MVB12B: variants seen among roughly 807,000 people sequenced by gnomAD.
The protein encoded by MVB12B is multivesicular body subunit 12B.
MVB12B carries 16 observed loss-of-function variants against 41.6 expected under a neutral mutation model. That is an observed-to-expected ratio of 0.38 (90% CI 0.26 to 0.58). The LOEUF is 0.58. Among genes scored for constraint, MVB12B ranks in the 20% least tolerant of loss-of-function variants. The pLI, the probability that MVB12B is intolerant of heterozygous loss-of-function variation, is 0.62. For synonymous variants in MVB12B, 133 were observed against 139.7 expected (o/e 0.95, Z 0.34); for missense variants, 274 against 380.2 (o/e 0.72, Z 2.32).
chr9:126,471,883 C>T (rs1428183743), intron 7 of MVB12B, among the ~76,000 whole-genome samples: 1 of 152,138 alleles, frequency 6.6e-6, no homozygotes, highest in Admixed American at 6.5e-5. Context: ...AGCATCTCTG[C>T]AAGTACTTTG....
intron 7 of MVB12B, among the ~76,000 whole-genome samples, chr9:126,472,886 G>A (rs990794072): frequency 5.9e-5 from 9 of 152,076 alleles, no homozygotes; most frequent in African/African-American, 1.9e-4. Flanking sequence ...CAGAGCCAGC[G>A]GCACATCCTT....
rs1047473425 is a variant in MVB12B, at chr9:126,505,265, G to C, written c.*2002G>C. The C allele has an allele frequency of 7.2e-5, 11 of 152,232 alleles. No individual in the cohort carries two copies. Among genetic ancestry groups the C allele is most frequent in the African/African-American group, 2.4e-4 (10 of 41,460 alleles). The allele number at this position is 152,232 out of a possible 1,614,324, so 9.4% of individuals were successfully genotyped here. A position where few individuals can be genotyped will look rare whatever the true frequency, so the allele number is the denominator to read the frequency against. On this transcript the variant is annotated 3_prime_UTR_variant, in exon 10 of 10. Transcript: ENST00000361171. ...AGGAGGCTCAGAGGCAGTGGTGTGG[G>C]AGCCCTGTCTGCAAGGACGCAGAAT...
chr9:126,479,703 GC>G (rs1833486028), intron 7 of MVB12B, among the ~76,000 whole-genome samples: 1 of 152,196 alleles, frequency 6.6e-6, no homozygotes, highest in Non-Finnish European at 1.5e-5. Context: ...AAGTCCAGCA[GC>G]CACACTGGGC....
intron 3 of MVB12B, among the ~76,000 whole-genome samples, chr9:126,382,979 T>G (rs1488845842): frequency 3.3e-5 from 5 of 152,248 alleles, no homozygotes; most frequent in Admixed American, 1.3e-4. Flanking sequence ...GTGAAAAGCC[T>G]CTGCCTCACT....
chr9:126,448,572 A>T (rs541617292), intron 7 of MVB12B, among the ~76,000 whole-genome samples: 2 of 152,322 alleles, frequency 1.3e-5, no homozygotes, highest in African/African-American at 2.4e-5. Context: ...GGTTCTGCAG[A>T]CTATATAGGA....
At position 126,483,255 on chromosome 9, in the gene MVB12B, G is replaced by T. The variant is rs920284941; in HGVS notation, c.814-718G>T. Among the ~76,000 whole-genome samples, 3 of 152,294 alleles carry T rather than the reference G, an allele frequency of 2.0e-5. No homozygotes were observed. In the East Asian group the frequency reaches 5.8e-4, roughly 29 times the overall value. On this transcript the variant is annotated intron_variant, in intron 8 of 9. Transcript: ENST00000361171. ...CTGCCCTCCGAGCCTCTGAGTCCAG[G>T]CTTCTATGGGCCTCTAGCTCACTCA...
At chr9:126,381,357 C>G (rs940173868) in intron 3 of MVB12B, among the ~76,000 whole-genome samples, 186 bp downstream of exon 3, 7 of 152,138 alleles carry the variant, frequency 4.6e-5, no homozygotes, top group African/African-American at 1.7e-4. Flanking sequence ...TGTTATTAAC[C>G]ACGTACCCAA....
intron 7 of MVB12B, among the ~76,000 whole-genome samples, chr9:126,454,790 T>TG (rs1832948205): frequency 8.7e-6 from 1 of 114,394 alleles, no homozygotes; most frequent in African/African-American, 2.6e-5. Context: ...ATAATTGAGT[T>TG]TTTTTTTTTT....
chr9:126,496,207 A>ACCCATCCATCCG (rs1833828892), intron 9 of MVB12B, among the ~76,000 whole-genome samples: 1 of 21,064 alleles, frequency 4.7e-5, no homozygotes, highest in Non-Finnish European at 1.0e-4. Flanking sequence ...CCACCTACCC[A>ACCCATCCATCCG]CCCGTCCATC....
chr9:126,442,824 C>A (rs949013065), intron 7 of MVB12B, among the ~76,000 whole-genome samples: 1 of 152,166 alleles, frequency 6.6e-6, no homozygotes, highest in African/African-American at 2.4e-5. Context: ...TCCTCTTCCC[C>A]CAATGTGCCT....
intron 7 of MVB12B, among the ~76,000 whole-genome samples, chr9:126,469,062 G>C (rs1833259275): frequency 6.6e-6 from 1 of 152,216 alleles, no homozygotes; most frequent in African/African-American, 2.4e-5. Context: ...TGTAATCCCA[G>C]CTACTTGGGA....
intron 1 of MVB12B, among the ~76,000 whole-genome samples, chr9:126,338,136 A>C (rs958617647): frequency 3.9e-5 from 6 of 152,158 alleles, no homozygotes; most frequent in Admixed American, 1.3e-4. Flanking sequence ...GCCCGGAGCC[A>C]TTTGTCCATA....
chr9:126,347,279 A>G (rs2118846559), intron 2 of MVB12B, among the ~76,000 whole-genome samples: 1 of 152,354 alleles, frequency 6.6e-6, no homozygotes, highest in South Asian at 2.1e-4. Context: ...CTGGGAAGCC[A>G]GCCTTGGGCT....
At position 126,340,537 on chromosome 9, in the gene MVB12B, CCT is replaced by C; in HGVS notation, c.115_116del (p.Ser39ArgfsTer28). The C allele has an allele frequency of 6.2e-7, 1 of 1,614,138 alleles. No individual in the cohort carries two copies. The highest frequency in any genetic ancestry group is 8.5e-7 in the Non-Finnish European group (1 of 1,179,980). ...AGTCCACCATGCCTGAAGTCAAAGACCTCTCAGAAGCCTTGCCAGAAACGTCA... is the reference window on the plus strand; with the variant it reads ...AGTCCACCATGCCTGAAGTCAAAGACCTCAGAAGCCTTGCCAGAAACGTCA... ...DQSTMPEVKD[L>X]SEALPETSMD... is the part of the protein sequence containing the mutation. On this transcript the variant is annotated frameshift_variant, in exon 2 of 10. Coordinates refer to ENST00000361171, the MANE Select transcript of MVB12B (RefSeq NM_033446.3). LOFTEE classifies it high-confidence loss of function. This position sits in a 1 kb window ranked among gnomAD's most constrained non-coding sequence, Gnocchi z 4.0.
Position 126,503,297 on chromosome 9 carries a change from C to A in MVB12B, c.*34C>A, listed in dbSNP as rs905591669. ...CGGCCACCTGCGGGGAGACCACCGC[C>A]GCCCAGACTACTGACGGCAGGGGCT... On this transcript the variant is annotated 3_prime_UTR_variant, in exon 10 of 10. Coordinates refer to ENST00000361171, the MANE Select transcript of MVB12B (RefSeq NM_033446.3). The A allele has an allele frequency of 5.3e-6, 8 of 1,515,774 alleles. No homozygotes were observed. The highest frequency in any genetic ancestry group is 7.2e-6 in the Non-Finnish European group (8 of 1,116,928). 93.9% of individuals were successfully genotyped at this position (1,515,774 alleles called of 1,614,324 possible).
At position 126,386,718 on chromosome 9, in the gene MVB12B, G is replaced by T. The variant is rs957218162; in HGVS notation, c.409+60G>T. 4 of 1,292,248 alleles carry T rather than the reference G, an allele frequency of 3.1e-6. No homozygotes were observed. Among genetic ancestry groups the T allele is most frequent in the Admixed American group, 3.5e-5 (2 of 57,266 alleles). 80.0% of individuals were successfully genotyped at this position (1,292,248 alleles called of 1,614,324 possible). On this transcript the variant is annotated intron_variant, in intron 4 of 9. Transcript: ENST00000361171. The surrounding 1 kb of genome is among the most constrained non-coding windows in gnomAD (Gnocchi z 4.3). Reference sequence around the variant, plus strand: ...GCGTTTTCTTCCTCCAGGTATATTTGTAGGTGTTTTTCTATGTGCATTTTT... The same window carrying T: ...GCGTTTTCTTCCTCCAGGTATATTTTTAGGTGTTTTTCTATGTGCATTTTT...
intron 2 of MVB12B, among the ~76,000 whole-genome samples, chr9:126,378,117 C>T (rs1164376075): frequency 6.6e-6 from 1 of 152,218 alleles, no homozygotes; most frequent in Non-Finnish European, 1.5e-5. Context: ...TTTGGTCCTC[C>T]ACCCCACACC....
At position 126,391,357 on chromosome 9, in the gene MVB12B, C is replaced by T. The variant is rs1185534614; in HGVS notation, c.410-709C>T. Among the ~76,000 whole-genome samples, 1 of 152,180 alleles carries T rather than the reference C, an allele frequency of 6.6e-6. No homozygotes were observed. The highest frequency in any genetic ancestry group is 1.5e-5 in the Non-Finnish European group (1 of 68,032). On this transcript the variant is annotated intron_variant, in intron 4 of 9. Coordinates refer to ENST00000361171, the MANE Select transcript of MVB12B (RefSeq NM_033446.3). This position sits in a 1 kb window ranked among gnomAD's most constrained non-coding sequence, Gnocchi z 4.4. Reference sequence around the variant, plus strand: ...GTCAAATGATCTGGGAGGCCTGACACCCAGAGGCAGTGTTTCAGCATCCTG... The same window carrying T: ...GTCAAATGATCTGGGAGGCCTGACATCCAGAGGCAGTGTTTCAGCATCCTG...
intron 7 of MVB12B, among the ~76,000 whole-genome samples, chr9:126,432,927 C>T (rs896886013): frequency 2.0e-5 from 3 of 152,146 alleles, no homozygotes; most frequent in East Asian, 3.8e-4. Context: ...TAAACTCTCA[C>T]GTGGGCCCCT....
Sources: gnomAD v4.1 joint callset for allele counts (sites outside exome capture counted in the v4.1 genomes callset) on GRCh38, gnomAD v4.1.1 for gene constraint, Gnocchi (gnomAD v3.1) non-coding constraint, MANE v1.5 for transcripts, NCBI Gene and HGNC (gene_info 2026-07-23, HGNC 2026-07-21) for gene names.